SLC25A21: variants seen among roughly 807,000 people sequenced by gnomAD.
The protein encoded by SLC25A21 is mitochondrial 2-oxodicarboxylate carrier.
SLC25A21 carries 47 observed loss-of-function variants against 43.8 expected under a neutral mutation model. That is an observed-to-expected ratio of 1.07 (90% CI 0.85 to 1.37). The LOEUF (loss-of-function observed/expected upper bound fraction) is 1.37. Ranked by LOEUF, SLC25A21 falls within the 40% of genes most tolerant of loss-of-function variation. The pLI is 0.00. For synonymous variants in SLC25A21, 131 were observed against 121.3 expected (o/e 1.08, Z -0.52); for missense variants, 352 against 350.2 (o/e 1.00, Z -0.04).
chr14:37,019,072 C>T (rs1429634687), intron 1 of SLC25A21, among the ~76,000 whole-genome samples: 1 of 151,934 alleles, frequency 6.6e-6, no homozygotes, highest in Admixed American at 6.6e-5. Context: ...ACAGCATCAA[C>T]AAAGGTCATC....
chr14:36,882,485 G>GT (rs1314337535), intron 1 of SLC25A21, among the ~76,000 whole-genome samples: 1 of 152,208 alleles, frequency 6.6e-6, no homozygotes, highest in Non-Finnish European at 1.5e-5. Context: ...ACCAGACACT[G>GT]TAGTCTATGT....
chr14:37,163,338 T>A (rs1963981138), intron 1 of SLC25A21, among the ~76,000 whole-genome samples: 1 of 151,754 alleles, frequency 6.6e-6, no homozygotes, highest in Admixed American at 6.6e-5. Flanking sequence ...TTCTGTTGTT[T>A]ATGCTGCCCA....
At chr14:37,049,114 G>C (rs1200629167) in intron 1 of SLC25A21, among the ~76,000 whole-genome samples, 1 of 152,172 alleles carries the variant, frequency 6.6e-6, no homozygotes, top group Non-Finnish European at 1.5e-5. Flanking sequence ...GAAGCAGCCA[G>C]AGTTAAGAAC....
At chr14:37,081,502 C>T (rs1234400313) in intron 1 of SLC25A21, among the ~76,000 whole-genome samples, 2 of 152,114 alleles carry the variant, frequency 1.3e-5, no homozygotes, top group Non-Finnish European at 2.9e-5. Context: ...GTGGTTGTCT[C>T]CAAATGGTCC....
intron 1 of SLC25A21, among the ~76,000 whole-genome samples, chr14:37,041,332 A>G (rs1329501400): frequency 6.6e-6 from 1 of 152,118 alleles, no homozygotes; most frequent in Non-Finnish European, 1.5e-5. Flanking sequence ...ATAATTAGCC[A>G]TCTGTTAAAA....
intron 1 of SLC25A21, among the ~76,000 whole-genome samples, chr14:37,165,816 G>A (rs1191997810): frequency 6.6e-6 from 1 of 152,100 alleles, no homozygotes; most frequent in Non-Finnish European, 1.5e-5. Flanking sequence ...GAACTACCCC[G>A]TGGTCTTTGG....
At chr14:37,146,681 C>T (rs1963670899) in intron 1 of SLC25A21, among the ~76,000 whole-genome samples, 1 of 152,134 alleles carries the variant, frequency 6.6e-6, no homozygotes, top group African/African-American at 2.4e-5. Context: ...TTCATTCTTA[C>T]ATTTAACTAA....
intron 1 of SLC25A21, among the ~76,000 whole-genome samples, chr14:37,084,980 T>C (rs899740922): frequency 3.3e-5 from 5 of 152,360 alleles, no homozygotes; most frequent in Non-Finnish European, 5.9e-5. Context: ...GGCATGATAA[T>C]ACACATGAGG....
intron 1 of SLC25A21, among the ~76,000 whole-genome samples, chr14:37,112,071 A>G (rs1237787923): frequency 6.6e-6 from 1 of 151,698 alleles, no homozygotes; most frequent in Non-Finnish European, 1.5e-5. Context: ...TTATATTCTC[A>G]TTTTCTTTTT....
At chr14:36,889,420 T>C (rs1172449576) in intron 1 of SLC25A21, among the ~76,000 whole-genome samples, 1 of 152,188 alleles carries the variant, frequency 6.6e-6, no homozygotes, top group African/African-American at 2.4e-5. Context: ...TTTCATAACA[T>C]ACATATTTAG....
At position 36,684,850 on chromosome 14, in the gene SLC25A21, G is replaced by T; in HGVS notation, c.679C>A (p.Pro227Thr). ...SGTIASVINI[P>T]FDVAKSRIQG... ...ATCCTACTTTTGGCAACATCAAAAG[G>T]GATGTTAATGACTGAGGCTATTGTC... The change falls in exon 8 of 10, where the codon CCT becomes ACT. Residue 227 changes from proline (P) to threonine (T), a missense_variant. Physicochemically the swap from Pro to Thr is conservative, Grantham distance 38. Transcript: ENST00000331299. The T allele has an allele frequency of 6.2e-7, 1 of 1,613,846 alleles. No individual in the cohort carries two copies. The highest frequency in any genetic ancestry group is 8.5e-7 in the Non-Finnish European group (1 of 1,179,854).
intron 7 of SLC25A21, 68 bp from the exon 8 acceptor site, chr14:36,684,993 A>T (rs1566492401): frequency 7.8e-7 from 1 of 1,284,608 alleles, no homozygotes; most frequent in Admixed American, 2.3e-5. Flanking sequence ...AAACACTATA[A>T]AGCAATATGT....
intron 1 of SLC25A21, among the ~76,000 whole-genome samples, chr14:37,054,010 G>T (rs150409736): frequency 1.3e-5 from 2 of 152,202 alleles, no homozygotes; most frequent in Non-Finnish European, 2.9e-5. Flanking sequence ...GAGGTAAAAT[G>T]TATTTCCCTT....
At chr14:37,101,738 C>A (rs1962820659) in intron 1 of SLC25A21, among the ~76,000 whole-genome samples, 1 of 151,996 alleles carries the variant, frequency 6.6e-6, no homozygotes, top group Non-Finnish European at 1.5e-5. Flanking sequence ...ATGCATTTAA[C>A]ACATTTATAC....
intron 9 of SLC25A21, among the ~76,000 whole-genome samples, chr14:36,683,161 G>T (rs1882363504): frequency 1.3e-5 from 2 of 152,226 alleles, no homozygotes; most frequent in African/African-American, 2.4e-5. Flanking sequence ...GAGACTATTT[G>T]CCCTGGCGGT....
chr14:37,136,496 T>C (rs1297137470), intron 1 of SLC25A21, among the ~76,000 whole-genome samples: 1 of 152,208 alleles, frequency 6.6e-6, no homozygotes, highest in Non-Finnish European at 1.5e-5. Context: ...ATTAAGTTCT[T>C]TTAAGAACTT....
chr14:36,740,171 T>G (rs774512312), intron 3 of SLC25A21, among the ~76,000 whole-genome samples: 1 of 152,192 alleles, frequency 6.6e-6, no homozygotes, highest in East Asian at 1.9e-4. Context: ...TTAAAGATAA[T>G]TGTTAAATCT....
intron 2 of SLC25A21, among the ~76,000 whole-genome samples, chr14:36,870,023 T>C (rs1414510883): frequency 1.3e-5 from 2 of 152,138 alleles, no homozygotes; most frequent in Admixed American, 1.3e-4. Context: ...GAGAACTAAA[T>C]AATGAAAATA....
At chr14:36,988,284 C>T (rs1221132382) in intron 1 of SLC25A21, among the ~76,000 whole-genome samples, 1 of 152,100 alleles carries the variant, frequency 6.6e-6, no homozygotes, top group Non-Finnish European at 1.5e-5. Context: ...TTTCCTTGCC[C>T]CTGGTTAGTC....
Sources: gnomAD v4.1 joint callset for allele counts (sites outside exome capture counted in the v4.1 genomes callset) on GRCh38, gnomAD v4.1.1 for gene constraint, MANE v1.5 for transcripts, NCBI Gene and HGNC (gene_info 2026-07-23, HGNC 2026-07-21) for gene names.